VAC14: variants seen among roughly 807,000 people sequenced by gnomAD.
VAC14 encodes the protein protein VAC14 homolog.
VAC14 carries 47 observed loss-of-function variants against 85.3 expected under a neutral mutation model. That is an observed-to-expected ratio of 0.55 (90% CI 0.44 to 0.70). The LOEUF (loss-of-function observed/expected upper bound fraction) is 0.70. Among genes scored for constraint, VAC14 ranks in the 30% least tolerant of loss-of-function variants. VAC14 has a pLI of 0.00. For synonymous variants in VAC14, 447 were observed against 430.5 expected, an observed-to-expected ratio of 1.04 and a Z score of -0.47; for missense variants, 861 against 1,004.3, an observed-to-expected ratio of 0.86 and a Z score of 1.93.
chr16:70,689,060 G>A (rs958119019), intron 18 of VAC14: 118 of 985,130 alleles, frequency 1.2e-4, no homozygotes, highest in Admixed American at 2.5e-4. Context: ...GATGCCAATC[G>A]GCGGGGCCGG....
chr16:70,760,605 C>T (rs1426279852), intron 12 of VAC14, among the ~76,000 whole-genome samples: 2 of 152,142 alleles, frequency 1.3e-5, no homozygotes, highest in African/African-American at 2.4e-5. Flanking sequence ...GCCCACAAGA[C>T]GTGCCCCAAA....
rs369543243 is a variant in VAC14, at chr16:70,774,375, C to T, written c.1097-2203G>A. Among the ~76,000 whole-genome samples the T allele has an allele frequency of 4.6e-5, 7 of 152,152 alleles. No individual in the cohort carries two copies. The East Asian group carries it at 9.6e-4, about 21-fold the overall frequency. ...GTTGCGCATCATTGGAGGGATGTCA[C>T]GGAAGTGCTGCGCCTCAGTGCACCC... On this transcript the variant is annotated intron_variant, in intron 9 of 18. Transcript: ENST00000261776.
intron 14 of VAC14, among the ~76,000 whole-genome samples, chr16:70,700,910 C>T (rs1170725630): frequency 2.6e-5 from 4 of 152,096 alleles, no homozygotes; most frequent in African/African-American, 4.8e-5. Context: ...GGCCGGCAGG[C>T]GGGACCTGTG....
chr16:70,721,908 C>T (rs2054302919), intron 14 of VAC14, among the ~76,000 whole-genome samples: 1 of 152,184 alleles, frequency 6.6e-6, no homozygotes, highest in South Asian at 2.1e-4. Flanking sequence ...GGCCATCACT[C>T]TCTCTTTCCC....
chr16:70,742,250 C>T (rs1223315853), intron 13 of VAC14, among the ~76,000 whole-genome samples: 1 of 152,162 alleles, frequency 6.6e-6, no homozygotes, highest in African/African-American at 2.4e-5. Flanking sequence ...CCCCCAGGGA[C>T]CCTTTGCCCA....
intron 13 of VAC14, among the ~76,000 whole-genome samples, chr16:70,739,068 G>A (rs1468437228): frequency 1.3e-5 from 2 of 152,226 alleles, no homozygotes; most frequent in Non-Finnish European, 2.9e-5. Context: ...TAGGACACAA[G>A]CAAAGGCCCC....
At chr16:70,717,991 T>C (rs1402610296) in intron 14 of VAC14, among the ~76,000 whole-genome samples, 2 of 152,202 alleles carry the variant, frequency 1.3e-5, no homozygotes, top group Non-Finnish European at 2.9e-5. Context: ...CTTTCTCTCT[T>C]ACTCTTCTCT....
rs2033943414 is a variant in VAC14 at position 70,784,166 on chromosome 16, G to A, written c.541C>T (p.Arg181Ter). The A allele has an allele frequency of 3.7e-6, 6 of 1,614,142 alleles. No individual in the cohort carries two copies. Among genetic ancestry groups the A allele is most frequent in the Non-Finnish European group, 2.5e-6 (3 of 1,180,026 alleles). The change falls in exon 5 of 19, where the codon CGA becomes TGA. Residue 181 changes from arginine (R) to a stop codon, truncating the protein, a stop_gained. Transcript: ENST00000261776. LOFTEE classifies it high-confidence loss of function. The part of the protein sequence containing the change: ...FDLVSFIPLL[R>*]ERIYSNNQYA... ...TGGTTGTTGGAGTAAATCCTCTCTC[G>A]CAACAAGGGGATGAAGCTCACCAGG...
intron 5 of VAC14, 140 bp downstream of exon 5, chr16:70,783,973 G>A (rs2033933257): frequency 4.3e-6 from 3 of 701,536 alleles, no homozygotes; most frequent in Non-Finnish European, 4.9e-6. Context: ...TGAATAAGGT[G>A]TTTTTGAATT....
intron 13 of VAC14, among the ~76,000 whole-genome samples, chr16:70,743,343 A>T (rs572348410): frequency 6.6e-6 from 1 of 152,352 alleles, no homozygotes; most frequent in Admixed American, 6.5e-5. Flanking sequence ...AGCGGGACCA[A>T]AAAAGGGAAT....
chr16:70,797,151 G>T (rs1596976796), intron 1 of VAC14, among the ~76,000 whole-genome samples: 1 of 152,210 alleles, frequency 6.6e-6, no homozygotes, highest in African/African-American at 2.4e-5. Context: ...ATGTTGGCAG[G>T]CTATGTTATT....
At chr16:70,707,466 C>G (rs777677322) in intron 14 of VAC14, among the ~76,000 whole-genome samples, 1 of 152,138 alleles carries the variant, frequency 6.6e-6, no homozygotes, top group African/African-American at 2.4e-5. Context: ...AGCCATCTGT[C>G]CCTCTGTGCA....
chr16:70,800,361 A>G (rs919952876), intron 1 of VAC14, among the ~76,000 whole-genome samples: 39 of 152,320 alleles, frequency 2.6e-4, no homozygotes, highest in Middle Eastern at 3.4e-3. Context: ...CTACTTGGTC[A>G]CTAACAATCT....
chr16:70,800,509 C>G (rs2034737390), intron 1 of VAC14, among the ~76,000 whole-genome samples: 1 of 152,206 alleles, frequency 6.6e-6, no homozygotes, highest in Non-Finnish European at 1.5e-5. Flanking sequence ...GAAGACTCAC[C>G]ATGTGCCATG....
At chr16:70,770,397 C>T (rs1410570554) in intron 10 of VAC14, 2 of 152,396 alleles carry the variant, frequency 1.3e-5, no homozygotes, top group East Asian at 1.9e-4. Flanking sequence ...CCTAGATCCA[C>T]TGTCCACAGA....
intron 12 of VAC14, among the ~76,000 whole-genome samples, chr16:70,756,592 C>T (rs928031363): frequency 2.6e-5 from 4 of 152,114 alleles, no homozygotes; most frequent in African/African-American, 9.7e-5. Context: ...AGTGAAGAGC[C>T]CCTCAAGGCG....
intron 12 of VAC14, among the ~76,000 whole-genome samples, chr16:70,760,963 GT>G (rs1419561954): frequency 0.23 from 4,959 of 21,262 alleles, 598 homozygotes; most frequent in African/African-American, 0.45. Context: ...CGAAGAGAGG[GT>G]GTGTGTGTGT....
chr16:70,716,606 C>G (rs1034081488), intron 14 of VAC14: 2 of 152,264 alleles, frequency 1.3e-5, no homozygotes, highest in Non-Finnish European at 2.9e-5. Context: ...TGGCTTCTCC[C>G]TGACTGAGAC....
At chr16:70,696,238 C>T (rs768142733) in intron 16 of VAC14, among the ~76,000 whole-genome samples, 5 of 152,124 alleles carry the variant, frequency 3.3e-5, no homozygotes, top group African/African-American at 4.8e-5. Flanking sequence ...TCTGGCCAGG[C>T]GCGGTGGCTC....
Sources: gnomAD v4.1 joint callset for allele counts (sites outside exome capture counted in the v4.1 genomes callset) on GRCh38, gnomAD v4.1.1 for gene constraint, MANE v1.5 for transcripts, NCBI Gene and HGNC (gene_info 2026-07-23, HGNC 2026-07-21) for gene names.